The following SPAG16 variants were observed in gnomAD, a reference collection of about 807,000 sequenced individuals.
The protein encoded by SPAG16 is sperm associated antigen 16, also known as sperm-associated antigen 16 protein.
In SPAG16, 86 loss-of-function variants were observed where a neutral mutation model predicts 80.4. The ratio of observed to expected loss-of-function variants is 1.07; its 90% CI spans 0.90 to 1.28. SPAG16 has a LOEUF of 1.28. SPAG16 is among the 50% of genes most tolerant of loss of function. SPAG16 has a pLI of 0.00. For synonymous variants in SPAG16, 294 were observed against 265.9 expected (o/e 1.11, Z -1.03); for missense variants, 870 against 765.3 (o/e 1.14, Z -1.61).
chr2:213,629,758 A>C (rs1368364830), intron 10 of SPAG16, among the ~76,000 whole-genome samples: 5 of 152,152 alleles, frequency 3.3e-5, no homozygotes, highest in Non-Finnish European at 7.3e-5. Flanking sequence ...GGGTATAGGC[A>C]ATGGGAAGTG....
chr2:214,193,151 A>C (rs1180664297), intron 15 of SPAG16, among the ~76,000 whole-genome samples: 2 of 151,982 alleles, frequency 1.3e-5, no homozygotes, highest in Non-Finnish European at 2.9e-5. Context: ...GTGAGGCATA[A>C]TTTCTCAGAC....
At chr2:213,485,462 G>T (rs2073935240) in intron 9 of SPAG16, among the ~76,000 whole-genome samples, 1 of 151,798 alleles carries the variant, frequency 6.6e-6, no homozygotes, top group South Asian at 2.1e-4. Flanking sequence ...TGTAATTAAT[G>T]ATCATTTTAT....
chr2:213,944,393 C>T (rs1431205900), intron 12 of SPAG16, among the ~76,000 whole-genome samples: 1 of 152,196 alleles, frequency 6.6e-6, no homozygotes, highest in Non-Finnish European at 1.5e-5. Context: ...AGACCTGACA[C>T]ATCTTTCTTT....
At chr2:213,367,444 G>A (rs1261268087) in intron 8 of SPAG16, among the ~76,000 whole-genome samples, 2 of 152,274 alleles carry the variant, frequency 1.3e-5, no homozygotes, top group Non-Finnish European at 2.9e-5. Context: ...ATCCTCTCCA[G>A]CACCTGTTGT....
intron 11 of SPAG16, among the ~76,000 whole-genome samples, chr2:213,904,630 G>A (rs1426438808): frequency 6.8e-6 from 1 of 146,876 alleles, no homozygotes; most frequent in African/African-American, 2.5e-5. Context: ...AACAAAGTAG[G>A]TAAAGGGCAT....
chr2:214,410,323 C>T lies in SPAG16; in HGVS notation c.*8C>T, dbSNP rs1205809539. The T allele has an allele frequency of 6.3e-7, 1 of 1,585,444 alleles. No individual in the cohort carries two copies. The highest frequency in any genetic ancestry group is 8.6e-7 in the Non-Finnish European group (1 of 1,157,878). On this transcript the variant is annotated 3_prime_UTR_variant, in exon 16 of 16. Coordinates refer to ENST00000331683, the MANE Select transcript of SPAG16 (RefSeq NM_024532.5). ...GTTCGAACGTGGTCTTGACCGTCAG[C>T]ACATCCCGCTGCAGAGGGCATTCCC...
At chr2:214,252,938 C>G (rs1334132687) in intron 15 of SPAG16, among the ~76,000 whole-genome samples, 2 of 152,086 alleles carry the variant, frequency 1.3e-5, no homozygotes, top group Admixed American at 6.6e-5. Context: ...TCCTATTTCT[C>G]CACTTCCTCT....
Position 213,887,505 on chromosome 2 carries a change from T to C in SPAG16, c.1214+24877T>C, listed in dbSNP as rs905183477. Among the ~76,000 whole-genome samples the C allele has an allele frequency of 6.0e-4, 91 of 152,032 alleles. 1 individual carries two copies. The highest frequency in any genetic ancestry group is 2.1e-3 in the African/African-American group (88 of 41,556). The stretch of plus-strand genomic sequence containing the variant: ...GATGATGTGTCTTCAATACATCCTA[T>C]CAGGTGATGAAACATGTAATTTAAA... On this transcript the variant is annotated intron_variant, in intron 11 of 15. Transcript: ENST00000331683.
intron 14 of SPAG16, among the ~76,000 whole-genome samples, chr2:214,120,537 A>C (rs149414794): frequency 6.6e-6 from 1 of 151,756 alleles, no homozygotes; most frequent in Non-Finnish European, 1.5e-5. Context: ...TAGCATTTTC[A>C]CCTCAACTAT....
chr2:214,325,446 G>A (rs1439579828), intron 15 of SPAG16, among the ~76,000 whole-genome samples: 3 of 152,126 alleles, frequency 2.0e-5, no homozygotes, highest in Non-Finnish European at 4.4e-5. Flanking sequence ...ATGTGTGTTG[G>A]GGGTTAGTGG....
At chr2:213,939,838 A>C (rs1220120807) in intron 12 of SPAG16, among the ~76,000 whole-genome samples, 2 of 152,210 alleles carry the variant, frequency 1.3e-5, no homozygotes, top group Non-Finnish European at 2.9e-5. Context: ...ATATACAAAG[A>C]TGTGCTGTAT....
chr2:213,551,859 A>G (rs1331353077), intron 10 of SPAG16, among the ~76,000 whole-genome samples: 1 of 152,160 alleles, frequency 6.6e-6, no homozygotes, highest in Non-Finnish European at 1.5e-5. Context: ...TATCATGTCA[A>G]ATCTGTCAGG....
chr2:214,071,990 A>G (rs2050807758), intron 13 of SPAG16, among the ~76,000 whole-genome samples: 1 of 152,162 alleles, frequency 6.6e-6, no homozygotes, highest in African/African-American at 2.4e-5. Flanking sequence ...TTAATCATAA[A>G]TATGTACAAG....
intron 11 of SPAG16, among the ~76,000 whole-genome samples, chr2:213,873,019 G>A (rs1164450997): frequency 6.6e-6 from 1 of 152,030 alleles, no homozygotes; most frequent in Non-Finnish European, 1.5e-5. Flanking sequence ...GTATTAATAA[G>A]AGACATGGGT....
chr2:214,162,369 C>A (rs1226901118), intron 15 of SPAG16, among the ~76,000 whole-genome samples: 1 of 152,044 alleles, frequency 6.6e-6, no homozygotes, highest in Non-Finnish European at 1.5e-5. Context: ...AAGTTATAAA[C>A]CAAGTACAAA....
chr2:213,876,057 A>T (rs999966448), intron 11 of SPAG16, among the ~76,000 whole-genome samples: 2 of 152,140 alleles, frequency 1.3e-5, no homozygotes, highest in Non-Finnish European at 2.9e-5. Context: ...GATGAAGAAA[A>T]TAAGAAAATA....
chr2:214,062,102 A>G (rs1466261234), intron 13 of SPAG16, among the ~76,000 whole-genome samples: 1 of 151,970 alleles, frequency 6.6e-6, no homozygotes, highest in Admixed American at 6.6e-5. Context: ...GATCTTTAAT[A>G]GACATCTTAA....
At chr2:214,352,558 C>CTGTGTGTGTGTGTG (rs761835945) in intron 15 of SPAG16, among the ~76,000 whole-genome samples, 73 of 142,466 alleles carry the variant, frequency 5.1e-4, no homozygotes, top group East Asian at 1.7e-3. Context: ...CTTTTTTTCT[C>CTGTGTGTGTGTGTG]TGTGTGTGTG....
At chr2:214,275,144 C>G (rs777151051) in intron 15 of SPAG16, among the ~76,000 whole-genome samples, 1 of 152,122 alleles carries the variant, frequency 6.6e-6, no homozygotes, top group Non-Finnish European at 1.5e-5. Context: ...GTGGTGATAT[C>G]CGCTTTACCA....
Sources: allele counts gnomAD v4.1 joint callset (sites outside exome capture counted in the v4.1 genomes callset), GRCh38; gene constraint gnomAD v4.1.1; transcripts MANE v1.5; gene names NCBI Gene and HGNC (gene_info 2026-07-23, HGNC 2026-07-21).